The following FRMD4B variants were observed in gnomAD, a reference collection of about 807,000 sequenced individuals.
The protein encoded by FRMD4B is FERM domain-containing protein 4B.
Under a neutral mutation model 141.5 loss-of-function variants are expected in FRMD4B, and 74 were observed. The observed-to-expected ratio is 0.52, with a 90% confidence interval of 0.43 to 0.63. The LOEUF (loss-of-function observed/expected upper bound fraction) is 0.63. FRMD4B is among the 30% of genes least tolerant of loss of function. The pLI is 0.00. For missense variants in FRMD4B, 1,366 were observed against 1,253.4 expected (o/e 1.09, Z -1.36); for synonymous variants, 506 against 467.9 (o/e 1.08, Z -1.05).
Position 69,195,528 on chromosome 3 carries a change from C to A in FRMD4B, c.1235-164G>T, listed in dbSNP as rs570789333. On this transcript the variant is annotated intron_variant, in intron 14 of 22. Coordinates refer to ENST00000398540, the MANE Select transcript of FRMD4B (RefSeq NM_015123.3). ...GGAAACTGGAAAACATTTTCTCATT[C>A]TTCTGGGCATCAAACAGAACCTGGT... Among the ~76,000 whole-genome samples, 5 of 152,252 alleles carry A rather than the reference C, an allele frequency of 3.3e-5. 1 individual carries two copies. The South Asian group carries it at 1.0e-3, about 32-fold the overall frequency.
chr3:69,482,899 C>A (rs1206555917), intron 1 of FRMD4B, among the ~76,000 whole-genome samples: 1 of 151,396 alleles, frequency 6.6e-6, no homozygotes, highest in Non-Finnish European at 1.5e-5. Flanking sequence ...ATATTTATTA[C>A]TTCTCTAACA....
At chr3:69,364,439 G>T (rs1385797547) in intron 1 of FRMD4B, among the ~76,000 whole-genome samples, 1 of 152,226 alleles carries the variant, frequency 6.6e-6, no homozygotes, top group South Asian at 2.1e-4. Context: ...GTATGCCAGT[G>T]GTGAGTGAGC....
In FRMD4B at chr3:69,169,257, GTAGTTTAAT is replaced by G. The variant is rs1464427591; in HGVS notation, c.*2595_*2603del. 6.6e-6 allele frequency among the ~76,000 whole-genome samples: 1 copy of G among 151,496 alleles called. No homozygotes were observed. The highest frequency in any genetic ancestry group is 2.4e-5 in the African/African-American group (1 of 41,198). ...TCACTTTTGGCTTTTAATAAATAAC[GTAGTTTAAT>G]TGGTTTAATACCAATGCGGTTGAGA... On this transcript the variant is annotated 3_prime_UTR_variant, in exon 23 of 23. Coordinates refer to ENST00000398540, the MANE Select transcript of FRMD4B (RefSeq NM_015123.3).
At chr3:69,459,214 C>T (rs1452202673) in intron 1 of FRMD4B, among the ~76,000 whole-genome samples, 1 of 152,192 alleles carries the variant, frequency 6.6e-6, no homozygotes, top group Non-Finnish European at 1.5e-5. Flanking sequence ...TCAAACATTT[C>T]AGTAAATTAT....
chr3:69,457,096 AAAAGTT>A (rs1485997621), intron 1 of FRMD4B, among the ~76,000 whole-genome samples: 3 of 152,226 alleles, frequency 2.0e-5, no homozygotes, highest in East Asian at 1.9e-4. Context: ...TATAACCAGA[AAAAGTT>A]AAAGTTATTT....
At chr3:69,177,672 C>T (rs2092662273) in intron 21 of FRMD4B, among the ~76,000 whole-genome samples, 1 of 152,132 alleles carries the variant, frequency 6.6e-6, no homozygotes, top group South Asian at 2.1e-4. Context: ...AATAATAACA[C>T]ATAAATAATT....
chr3:69,287,724 C>G, intron 5 of FRMD4B, 28 bp downstream of exon 5: 1 of 1,199,278 alleles, frequency 8.3e-7, no homozygotes, highest in Non-Finnish European at 1.2e-6. Context: ...TGGAGGCATC[C>G]AGTGAACATG....
chr3:69,478,795 G>A (rs1315286171), intron 1 of FRMD4B, among the ~76,000 whole-genome samples: 3 of 152,082 alleles, frequency 2.0e-5, no homozygotes, highest in Non-Finnish European at 2.9e-5. Context: ...GTCTAAAGTT[G>A]ACAGTGGGGT....
chr3:69,321,237 C>G (rs751272892), intron 1 of FRMD4B, among the ~76,000 whole-genome samples: 7 of 152,098 alleles, frequency 4.6e-5, no homozygotes, highest in Non-Finnish European at 7.4e-5. Flanking sequence ...GGTCGTCTTA[C>G]AAGGCAACAG....
intron 22 of FRMD4B, 94 bp from the exon 23 acceptor site, chr3:69,172,075 A>G: frequency 8.3e-7 from 1 of 1,211,184 alleles, no homozygotes; most frequent in Non-Finnish European, 1.2e-6. Flanking sequence ...AGTAGGAAGC[A>G]CTGTTAAGAA....
At chr3:69,487,838 G>T (rs1022499772) in intron 1 of FRMD4B, among the ~76,000 whole-genome samples, 1 of 152,162 alleles carries the variant, frequency 6.6e-6, no homozygotes, top group Admixed American at 6.5e-5. Context: ...TGAATACCCA[G>T]TATCTATGTT....
In FRMD4B at chr3:69,176,604, C is replaced by T. The variant is rs773519794; in HGVS notation, c.2904G>A (p.Leu968=). The change falls in exon 22 of 23, where the codon CTG becomes CTA. Residue 968 remains leucine (L), a synonymous_variant. Transcript: ENST00000398540. The stretch of plus-strand genomic sequence containing the variant: ...AATGTGCTGGAGTCTCGTAATCCGA[C>T]AGCCCTATGGTTAACTGGGTCCTCC... The part of the protein sequence containing the change: ...GNWRTQLTIG[L]SDYETPAHSS... 3.1e-6 allele frequency: 5 copies of T among 1,606,564 alleles called. No individual in the cohort carries two copies. The highest frequency in any genetic ancestry group is 3.3e-5 in the Admixed American group (2 of 59,998).
At chr3:69,418,540 C>G (rs753132359) in intron 2 of FRMD4B, among the ~76,000 whole-genome samples, 53 of 152,242 alleles carry the variant, frequency 3.5e-4, no homozygotes, top group Middle Eastern at 3.4e-3. Context: ...CAGATTAGAG[C>G]GAAAGACGTT....
chr3:69,240,841 C>T (rs2093377391), intron 7 of FRMD4B, among the ~76,000 whole-genome samples: 1 of 152,168 alleles, frequency 6.6e-6, no homozygotes, highest in Non-Finnish European at 1.5e-5. Context: ...TAGAATTCTC[C>T]CTCAACAATG....
rs553700222 is a variant in FRMD4B, at chr3:69,349,973, T to C, written c.162+35855A>G. 6.6e-5 allele frequency among the ~76,000 whole-genome samples: 10 copies of C among 152,186 alleles called. No individual in the cohort carries two copies. The South Asian group carries it at 1.2e-3, about 19-fold the overall frequency. On this transcript the variant is annotated intron_variant, in intron 1 of 22. Transcript: ENST00000398540. ...GGCAACAAAAGCCAAAATTGACAAA[T>C]GGGGTCTAATTAAACTAAAGAGCTT...
intron 19 of FRMD4B, among the ~76,000 whole-genome samples, chr3:69,184,109 A>C (rs1014706177): frequency 1.2e-4 from 18 of 151,486 alleles, no homozygotes; most frequent in Non-Finnish European, 1.5e-4. Context: ...ATGGGGTTTC[A>C]CCATGTTGGC....
chr3:69,371,393 T>C (rs907268900), intron 1 of FRMD4B, among the ~76,000 whole-genome samples: 5 of 152,076 alleles, frequency 3.3e-5, no homozygotes, highest in African/African-American at 1.2e-4. Flanking sequence ...GGAATACTGA[T>C]CACACAGACA....
chr3:69,528,328 G>A (rs1013643918), intron 1 of FRMD4B, among the ~76,000 whole-genome samples: 4 of 128,768 alleles, frequency 3.1e-5, no homozygotes, highest in Admixed American at 9.4e-5. Flanking sequence ...TTTCTTTCTC[G>A]CTCTCTCTCT....
intron 2 of FRMD4B, among the ~76,000 whole-genome samples, chr3:69,429,388 G>T (rs1166915579): frequency 6.6e-6 from 1 of 152,138 alleles, no homozygotes; most frequent in African/African-American, 2.4e-5. Context: ...GTATATGAGA[G>T]CCTTTTTGTC....
Sources: gnomAD v4.1 joint callset for allele counts (sites outside exome capture counted in the v4.1 genomes callset) on GRCh38, gnomAD v4.1.1 for gene constraint, MANE v1.5 for transcripts, NCBI Gene and HGNC (gene_info 2026-07-23, HGNC 2026-07-21) for gene names.